Variants in WWOX observed in about 807,000 individuals in gnomAD.
WWOX encodes the protein WW domain containing oxidoreductase, also known as WW domain-containing oxidoreductase.
Under a neutral mutation model 46.2 loss-of-function variants are expected in WWOX, and 69 were observed. The observed-to-expected ratio is 1.49, with a 90% CI of 1.23 to 1.82. The LOEUF (loss-of-function observed/expected upper bound fraction) is 1.82, where lower values mean the gene tolerates loss of function less well. Among genes scored for constraint, WWOX ranks in the 40% most tolerant of loss-of-function variants. WWOX has a pLI of 0.00. For missense variants in WWOX, 919 were observed against 542.6 expected (o/e 1.69, Z -6.89); for synonymous variants, 359 against 202.6 (o/e 1.77, Z -6.56).
At chr16:78,934,038 A>G (rs919804293) in intron 8 of WWOX, among the ~76,000 whole-genome samples, 1 of 152,036 alleles carries the variant, frequency 6.6e-6, no homozygotes, top group Non-Finnish European at 1.5e-5. Flanking sequence ...AAAAAAATTT[A>G]AAGAAACTTA....
At chr16:78,229,742 C>T (rs2037191655) in intron 5 of WWOX, among the ~76,000 whole-genome samples, 1 of 152,060 alleles carries the variant, frequency 6.6e-6, no homozygotes. Context: ...TGTGGAATCC[C>T]ATTAGTCAAA....
At chr16:79,101,577 C>T (rs975428613) in intron 8 of WWOX, 2 of 151,966 alleles carry the variant, frequency 1.3e-5, no homozygotes, top group Non-Finnish European at 2.9e-5. Flanking sequence ...ATCTAGCATC[C>T]CTGGTGAATC....
At chr16:78,133,005 G>A (rs529976051) in intron 4 of WWOX, among the ~76,000 whole-genome samples, 1 of 152,202 alleles carries the variant, frequency 6.6e-6, no homozygotes, top group African/African-American at 2.4e-5. Flanking sequence ...CATGTTTCTG[G>A]ATGGTATTTG....
intron 5 of WWOX, among the ~76,000 whole-genome samples, chr16:78,330,516 C>G (rs532900742): frequency 6.6e-6 from 1 of 152,144 alleles, no homozygotes. Flanking sequence ...CCTGCCTCAG[C>G]CTCCCGAGTA....
At chr16:78,977,837 A>G (rs2046603861) in intron 8 of WWOX, among the ~76,000 whole-genome samples, 1 of 152,182 alleles carries the variant, frequency 6.6e-6, no homozygotes, top group Non-Finnish European at 1.5e-5. Flanking sequence ...AGACACACAT[A>G]AAAGCAAGGA....
intron 8 of WWOX, among the ~76,000 whole-genome samples, chr16:79,208,054 T>G (rs2150851896): frequency 6.6e-6 from 1 of 152,338 alleles, no homozygotes; most frequent in South Asian, 2.1e-4. Context: ...AAGATTGTGC[T>G]GCAAATCTGA....
Position 78,868,414 on chromosome 16 carries a change from T to G in WWOX, c.1057-343194T>G, listed in dbSNP as rs377621348. The stretch of plus-strand genomic sequence containing the variant: ...TTACCTGGAAAGGGTGGGGCAATTT[T>G]GGGGGGTCAAGAAAATGTTCTAGGA... On this transcript the variant is annotated intron_variant, in intron 8 of 8. Transcript: ENST00000566780. Among the ~76,000 whole-genome samples the G allele has an allele frequency of 1.3e-4, 20 of 151,794 alleles. No individual in the cohort carries two copies. In the East Asian group the frequency reaches 3.5e-3, roughly 26 times the overall value.
chr16:78,997,120 T>C (rs1021193789), intron 8 of WWOX, among the ~76,000 whole-genome samples: 1 of 150,808 alleles, frequency 6.6e-6, no homozygotes, highest in African/African-American at 2.4e-5. Flanking sequence ...AATGTAGACA[T>C]ATGTTCGAGT....
chr16:79,001,157 A>G (rs967298190), intron 8 of WWOX, among the ~76,000 whole-genome samples: 5 of 152,182 alleles, frequency 3.3e-5, no homozygotes, highest in African/African-American at 1.2e-4. Flanking sequence ...CTGCGATTTA[A>G]TTTGCTGCTG....
At chr16:79,085,270 GTC>G (rs1246983000) in intron 8 of WWOX, among the ~76,000 whole-genome samples, 13 of 152,090 alleles carry the variant, frequency 8.5e-5, no homozygotes, top group African/African-American at 2.9e-4. Context: ...CCTTCTGGAG[GTC>G]TCTTAGATTT....
intron 8 of WWOX, among the ~76,000 whole-genome samples, chr16:79,077,035 A>G (rs1490462313): frequency 6.6e-6 from 1 of 152,140 alleles, no homozygotes; most frequent in Non-Finnish European, 1.5e-5. Flanking sequence ...ACAGTAGCCG[A>G]TCATCAATTC....
At chr16:78,179,669 A>C (rs570222377) in intron 5 of WWOX, 1 of 152,234 alleles carries the variant, frequency 6.6e-6, no homozygotes, top group Non-Finnish European at 1.5e-5. Flanking sequence ...CTTTATGACA[A>C]CACTATGAGA....
chr16:78,727,131 GC>G (rs2048854312), intron 8 of WWOX, among the ~76,000 whole-genome samples: 1 of 152,182 alleles, frequency 6.6e-6, no homozygotes, highest in Non-Finnish European at 1.5e-5. Context: ...GGGCACAGTG[GC>G]TCACACCTAT....
chr16:79,168,294 T>C (rs8047649), intron 8 of WWOX, among the ~76,000 whole-genome samples: 65,888 of 152,112 alleles, frequency 0.43, 15,152 homozygotes, highest in East Asian at 0.76. Context: ...AACTTTTTGA[T>C]GAACTGACAA....
chr16:78,507,853 C>T (rs62036417), intron 8 of WWOX, among the ~76,000 whole-genome samples: 21,637 of 152,152 alleles, frequency 0.14, 1,661 homozygotes, highest in Non-Finnish European at 0.17. Flanking sequence ...GCTTGTCCAA[C>T]CCATGGCCCC....
intron 8 of WWOX, chr16:78,551,913 C>G (rs1203780171): frequency 5.3e-5 from 8 of 152,156 alleles, no homozygotes; most frequent in Non-Finnish European, 1.2e-4. Flanking sequence ...TTGCAGTGAG[C>G]AAAACCACCC....
intron 5 of WWOX, among the ~76,000 whole-genome samples, chr16:78,189,080 G>A (rs1335567291): frequency 2.0e-5 from 3 of 152,208 alleles, no homozygotes; most frequent in Admixed American, 6.5e-5. Context: ...GATTCAAGCT[G>A]TGGCTGAGAA....
intron 8 of WWOX, among the ~76,000 whole-genome samples, chr16:78,862,486 A>G (rs889140661): frequency 6.6e-6 from 1 of 151,946 alleles, no homozygotes; most frequent in Non-Finnish European, 1.5e-5. Flanking sequence ...AAGTGCATAC[A>G]CACACACATT....
At chr16:78,379,288 A>C (rs1197582989) in intron 5 of WWOX, among the ~76,000 whole-genome samples, 1 of 152,160 alleles carries the variant, frequency 6.6e-6, no homozygotes, top group Non-Finnish European at 1.5e-5. Context: ...ATCAGCATCA[A>C]TGGGTACCTT....
Sources: allele counts gnomAD v4.1 joint callset (sites outside exome capture counted in the v4.1 genomes callset), GRCh38; gene constraint gnomAD v4.1.1; transcripts MANE v1.5; gene names NCBI Gene and HGNC (gene_info 2026-07-23, HGNC 2026-07-21).